Variants in ST7 observed in about 807,000 individuals in gnomAD.
ST7 encodes the protein suppression of tumorigenicity 7, also known as suppressor of tumorigenicity 7 protein.
A neutral mutation model predicts 78.7 loss-of-function variants in ST7; 28 were observed. That is an observed-to-expected ratio of 0.36 (90% confidence interval 0.26 to 0.49). ST7 has a LOEUF of 0.49. Ranked by LOEUF, ST7 falls within the 20% of genes least tolerant of loss-of-function variation. The pLI, the probability that ST7 is intolerant of heterozygous loss-of-function variation, is 0.99. For missense variants in ST7, 418 were observed against 696.0 expected, an observed-to-expected ratio of 0.60 and a Z score of 4.49; for synonymous variants, 247 against 249.6, an observed-to-expected ratio of 0.99 and a Z score of 0.10.
intron 1 of ST7, among the ~76,000 whole-genome samples, chr7:117,011,245 G>A (rs946338132): frequency 1.3e-5 from 2 of 152,116 alleles, no homozygotes; most frequent in Non-Finnish European, 2.9e-5. Flanking sequence ...AACAGGAGGA[G>A]GCTCCCCAGA....
chr7:117,216,690 G>A (rs1792713470), intron 13 of ST7, among the ~76,000 whole-genome samples: 1 of 152,138 alleles, frequency 6.6e-6, no homozygotes, highest in South Asian at 2.1e-4. Context: ...ACTGGGCCCT[G>A]CACTGCAGGG....
At chr7:117,029,249 C>A (rs560063758) in intron 1 of ST7, among the ~76,000 whole-genome samples, 1 of 152,108 alleles carries the variant, frequency 6.6e-6, no homozygotes, top group Non-Finnish European at 1.5e-5. Context: ...CAAATTCTTG[C>A]CAACATTTAG....
intron 1 of ST7, among the ~76,000 whole-genome samples, chr7:117,056,313 A>G (rs1471222165): frequency 2.0e-5 from 3 of 152,194 alleles, no homozygotes; most frequent in Non-Finnish European, 2.9e-5. Flanking sequence ...TTTCTTGCTC[A>G]GAGTTGTGAG....
At chr7:117,205,081 A>G (rs942678175) in intron 12 of ST7, among the ~76,000 whole-genome samples, 3 of 152,218 alleles carry the variant, frequency 2.0e-5, no homozygotes, top group Non-Finnish European at 2.9e-5. Flanking sequence ...AAAAATGCTT[A>G]TTATAGAAAA....
intron 1 of ST7, among the ~76,000 whole-genome samples, chr7:116,979,246 G>A (rs977266912): frequency 1.3e-5 from 2 of 152,112 alleles, no homozygotes; most frequent in Non-Finnish European, 2.9e-5. Flanking sequence ...GGAAGGGGAG[G>A]GACAAATGGA....
At chr7:117,118,983 T>A (rs979369250) in intron 2 of ST7, among the ~76,000 whole-genome samples, 14 of 152,216 alleles carry the variant, frequency 9.2e-5, no homozygotes, top group Non-Finnish European at 1.5e-5. Context: ...GCAAGTGGAA[T>A]AATGCTGAAC....
chr7:117,211,868 A>G (rs931175812), intron 13 of ST7, among the ~76,000 whole-genome samples: 2 of 152,166 alleles, frequency 1.3e-5, no homozygotes, highest in Non-Finnish European at 2.9e-5. Flanking sequence ...TTGTATGGGG[A>G]TTTAATTTTC....
At chr7:117,013,267 C>T (rs566242236) in intron 1 of ST7, among the ~76,000 whole-genome samples, 23 of 152,282 alleles carry the variant, frequency 1.5e-4, no homozygotes, top group Admixed American at 6.5e-4. Context: ...ATGTTCTAAC[C>T]ATTTGCACAT....
chr7:117,036,722 A>C (rs1563031566), intron 1 of ST7, among the ~76,000 whole-genome samples: 1 of 152,178 alleles, frequency 6.6e-6, no homozygotes, highest in East Asian at 1.9e-4. Flanking sequence ...TATCATATAC[A>C]TATGGTATGA....
Position 117,031,733 on chromosome 7 carries a change from CATATAT to C in ST7, c.152-68028_152-68023del, listed in dbSNP as rs1393759308. Reference sequence around the variant, plus strand: ...ATATGCATATATATGCATATATATGCATATATGTGTATATATATGCATATATGTGTA... The same window carrying C: ...ATATGCATATATATGCATATATATGCGTGTATATATATGCATATATGTGTA... On this transcript the variant is annotated intron_variant, in intron 1 of 15. Transcript: ENST00000323984. 1.3e-4 allele frequency among the ~76,000 whole-genome samples: 4 copies of C among 30,034 alleles called. 2 individuals are homozygous for C. The highest frequency in any genetic ancestry group is 1.2e-3 in the East Asian group (2 of 1,662). 19.7% of individuals were successfully genotyped at this position (30,034 alleles called of 152,430 possible).
At chr7:116,993,189 C>T (rs895122115) in intron 1 of ST7, among the ~76,000 whole-genome samples, 3 of 152,176 alleles carry the variant, frequency 2.0e-5, no homozygotes, top group African/African-American at 4.8e-5. Flanking sequence ...TTTAGCAACG[C>T]CCCACTCTAC....
At chr7:117,165,653 G>GT (rs1293909954) in intron 9 of ST7, among the ~76,000 whole-genome samples, 2 of 152,264 alleles carry the variant, frequency 1.3e-5, no homozygotes, top group Non-Finnish European at 1.5e-5. Flanking sequence ...CTGCTCTCAC[G>GT]TTCTTCTCAG....
chr7:117,086,358 C>T (rs1800148506), intron 1 of ST7, among the ~76,000 whole-genome samples: 1 of 152,212 alleles, frequency 6.6e-6, no homozygotes, highest in African/African-American at 2.4e-5. Context: ...ACTGTAGCTT[C>T]ATTAACCTTG....
chr7:117,131,443 C>T (rs929740670), intron 5 of ST7, among the ~76,000 whole-genome samples: 12 of 151,794 alleles, frequency 7.9e-5, no homozygotes, highest in Admixed American at 3.3e-4. Flanking sequence ...TACTGACCCA[C>T]GCATAATTCT....
At chr7:117,010,631 A>G (rs1026344059) in intron 1 of ST7, among the ~76,000 whole-genome samples, 3 of 152,218 alleles carry the variant, frequency 2.0e-5, no homozygotes, top group Non-Finnish European at 4.4e-5. Flanking sequence ...TAGCTCTCAC[A>G]TGTTGGTGAG....
intron 1 of ST7, among the ~76,000 whole-genome samples, chr7:116,958,150 A>C (rs1481891901): frequency 6.9e-6 from 1 of 145,430 alleles, no homozygotes; most frequent in Non-Finnish European, 1.5e-5. Flanking sequence ...TGCACACCAC[A>C]GTGCGTGGCT....
At chr7:117,030,133 A>G (rs1479889488) in intron 1 of ST7, among the ~76,000 whole-genome samples, 1 of 152,150 alleles carries the variant, frequency 6.6e-6, no homozygotes, top group African/African-American at 2.4e-5. Context: ...TAACAATATT[A>G]AGTTTTGCAA....
chr7:117,061,578 T>C (rs947529646), intron 1 of ST7, among the ~76,000 whole-genome samples: 3 of 152,194 alleles, frequency 2.0e-5, no homozygotes, highest in Non-Finnish European at 2.9e-5. Context: ...ATGTAAATGT[T>C]CTACTTTTCA....
At chr7:117,071,661 G>A (rs1308195817) in intron 1 of ST7, among the ~76,000 whole-genome samples, 4 of 152,202 alleles carry the variant, frequency 2.6e-5, no homozygotes, top group African/African-American at 9.7e-5. Context: ...TGACAAGGTG[G>A]CTTAGGGCTG....
Sources: allele counts gnomAD v4.1 joint callset (sites outside exome capture counted in the v4.1 genomes callset), GRCh38; gene constraint gnomAD v4.1.1; transcripts MANE v1.5; gene names NCBI Gene and HGNC (gene_info 2026-07-23, HGNC 2026-07-21).